The following SPAG16 variants were observed in gnomAD, a reference collection of about 807,000 sequenced individuals.
The protein encoded by SPAG16 is sperm-associated antigen 16 protein.
A neutral mutation model predicts 80.4 loss-of-function variants in SPAG16; 86 were observed. The ratio of observed to expected loss-of-function variants is 1.07; its 90% CI spans 0.90 to 1.28. The LOEUF (loss-of-function observed/expected upper bound fraction) is 1.28, where lower values mean the gene tolerates loss of function less well. Ranked by LOEUF, SPAG16 falls within the 50% of genes most tolerant of loss-of-function variation. The pLI is 0.00. For missense variants in SPAG16, 870 were observed against 765.3 expected (o/e 1.14, Z -1.61); for synonymous variants, 294 against 265.9 (o/e 1.11, Z -1.03).
intron 15 of SPAG16, among the ~76,000 whole-genome samples, chr2:214,323,224 G>A (rs1274343748): frequency 3.3e-5 from 5 of 151,972 alleles, no homozygotes; most frequent in East Asian, 1.9e-4. Context: ...CTCTACCTCC[G>A]CTGAGCTTCA....
chr2:214,101,733 G>A (rs1230725805), intron 13 of SPAG16, among the ~76,000 whole-genome samples: 1 of 152,114 alleles, frequency 6.6e-6, no homozygotes, highest in Non-Finnish European at 1.5e-5. Context: ...CTTTTTATTT[G>A]TGGGTTAGAT....
At chr2:213,373,848 T>G (rs2066762183) in intron 8 of SPAG16, among the ~76,000 whole-genome samples, 1 of 152,216 alleles carries the variant, frequency 6.6e-6, no homozygotes, top group Non-Finnish European at 1.5e-5. Context: ...AAAAGATCAA[T>G]GAGGCATGAA....
chr2:213,560,850 G>A (rs79475365), intron 10 of SPAG16, among the ~76,000 whole-genome samples: 13,081 of 152,168 alleles, frequency 0.086, 1,412 homozygotes, highest in African/African-American at 0.25. Flanking sequence ...AATGAATGAC[G>A]AAGTTAGCAA....
chr2:213,861,788 A>C (rs1262574723), intron 10 of SPAG16, among the ~76,000 whole-genome samples: 1 of 152,200 alleles, frequency 6.6e-6, no homozygotes, highest in African/African-American at 2.4e-5. Context: ...AGTTCAAATA[A>C]TAGTGCTTAA....
At chr2:214,317,507 T>C (rs1412824106) in intron 15 of SPAG16, among the ~76,000 whole-genome samples, 1 of 152,220 alleles carries the variant, frequency 6.6e-6, no homozygotes, top group East Asian at 1.9e-4. Context: ...CCCATGTTAA[T>C]AAATTTCTAG....
intron 15 of SPAG16, among the ~76,000 whole-genome samples, chr2:214,363,456 A>T (rs760871273): frequency 1.3e-5 from 2 of 152,014 alleles, no homozygotes; most frequent in Non-Finnish European, 2.9e-5. Flanking sequence ...ACTTTTAAAT[A>T]TTATTTTAAT....
In SPAG16 at chr2:213,819,005, C is replaced by T. The variant is rs186796789; in HGVS notation, c.1071-43480C>T. Among the ~76,000 whole-genome samples the T allele has an allele frequency of 2.8e-3, 418 of 148,786 alleles. 10 individuals are homozygous for T. The highest frequency in any genetic ancestry group is 0.018 in the East Asian group (91 of 5,108). On this transcript the variant is annotated intron_variant, in intron 10 of 15. Transcript: ENST00000331683. ...AACTTCATAGCAGTGTGAAACCTGA[C>T]TAAGTATTAAAAGTGTACATTCATT...
chr2:213,669,506 A>G (rs2063737170), intron 10 of SPAG16, among the ~76,000 whole-genome samples: 2 of 152,252 alleles, frequency 1.3e-5, no homozygotes, highest in African/African-American at 4.8e-5. Flanking sequence ...AGTTAAGCAC[A>G]AAACTGTGTA....
intron 15 of SPAG16, among the ~76,000 whole-genome samples, chr2:214,317,102 T>C (rs1414530559): frequency 6.6e-6 from 1 of 152,192 alleles, no homozygotes; most frequent in East Asian, 1.9e-4. Flanking sequence ...AAATTGCAGG[T>C]ATGTTTGGGC....
chr2:213,741,801 G>A (rs1187495913), intron 10 of SPAG16, among the ~76,000 whole-genome samples: 1 of 151,990 alleles, frequency 6.6e-6, no homozygotes, highest in Admixed American at 6.6e-5. Flanking sequence ...AACTCAAATT[G>A]GATTTGCAAT....
intron 15 of SPAG16, among the ~76,000 whole-genome samples, chr2:214,168,067 T>A (rs1201406248): frequency 1.3e-5 from 2 of 150,586 alleles, no homozygotes; most frequent in Admixed American, 1.3e-4. Flanking sequence ...CTGAGCTCAC[T>A]GCAACTCCGT....
intron 13 of SPAG16, among the ~76,000 whole-genome samples, chr2:214,102,738 A>G (rs1412559628): frequency 1.3e-5 from 2 of 152,110 alleles, no homozygotes; most frequent in African/African-American, 2.4e-5. Flanking sequence ...TTGCCTGCTC[A>G]GAAGAAAGAA....
intron 5 of SPAG16, among the ~76,000 whole-genome samples, chr2:213,327,515 T>A (rs1395646593): frequency 6.6e-6 from 1 of 152,112 alleles, no homozygotes; most frequent in East Asian, 1.9e-4. Flanking sequence ...AAAAGTGAAT[T>A]GATGCAATGC....
intron 8 of SPAG16, among the ~76,000 whole-genome samples, chr2:213,367,236 C>T (rs892425578): frequency 6.5e-4 from 7 of 10,826 alleles, no homozygotes; most frequent in African/African-American, 6.5e-4. Context: ...TGAATAGTGC[C>T]GCAATAAACA....
At chr2:214,383,452 T>C (rs995330304) in intron 15 of SPAG16, among the ~76,000 whole-genome samples, 1 of 151,580 alleles carries the variant, frequency 6.6e-6, no homozygotes, top group African/African-American at 2.4e-5. Context: ...GCACCTGTAG[T>C]CCCAGCTGCT....
intron 10 of SPAG16, among the ~76,000 whole-genome samples, chr2:213,544,754 A>C (rs928734529): frequency 2.0e-5 from 3 of 152,050 alleles, no homozygotes; most frequent in African/African-American, 4.8e-5. Flanking sequence ...CTAACATGTC[A>C]TGTAGCTGGA....
At chr2:213,876,304 CAA>C (rs71063792) in intron 11 of SPAG16, among the ~76,000 whole-genome samples, 114 of 80,190 alleles carry the variant, frequency 1.4e-3, no homozygotes, top group Middle Eastern at 5.8e-3. Flanking sequence ...AACTTTGAAC[CAA>C]AAAAAAAAAA....
intron 10 of SPAG16, among the ~76,000 whole-genome samples, chr2:213,746,930 G>T (rs1363945213): frequency 6.6e-6 from 1 of 152,106 alleles, no homozygotes; most frequent in Non-Finnish European, 1.5e-5. Flanking sequence ...TTATTTTAGA[G>T]TGTACTCCTT....
At chr2:213,306,609 T>C (rs2062951239) in intron 3 of SPAG16, among the ~76,000 whole-genome samples, 1 of 151,850 alleles carries the variant, frequency 6.6e-6, no homozygotes, top group South Asian at 2.1e-4. Flanking sequence ...GGTGAGGCTT[T>C]CTGGAACTCA....
Sources: gnomAD v4.1 joint callset for allele counts (sites outside exome capture counted in the v4.1 genomes callset) on GRCh38, gnomAD v4.1.1 for gene constraint, MANE v1.5 for transcripts, NCBI Gene and HGNC (gene_info 2026-07-23, HGNC 2026-07-21) for gene names.